PITPNM3: variants seen among roughly 807,000 people sequenced by gnomAD.
The protein encoded by PITPNM3 is PITPNM family member 3, also known as membrane-associated phosphatidylinositol transfer protein 3.
PITPNM3 carries 26 observed loss-of-function variants against 102.0 expected under a neutral mutation model. The ratio of observed to expected loss-of-function variants is 0.25; its 90% CI spans 0.19 to 0.35. The LOEUF is 0.35. Among genes scored for constraint, PITPNM3 ranks in the 10% least tolerant of loss-of-function variants. The probability of loss-of-function intolerance (pLI) is 1.00; values close to 1 mark genes in which losing one functional copy is unlikely to be tolerated. For synonymous variants in PITPNM3, 578 were observed against 558.6 expected, an observed-to-expected ratio of 1.03 and a Z score of -0.49; for missense variants, 1,083 against 1,346.1, an observed-to-expected ratio of 0.80 and a Z score of 3.06.
rs144918108 is a variant in PITPNM3 at position 6,503,562 on chromosome 17, G to A, written c.239C>T (p.Ala80Val). ...CTGGAGGATGCTGGATGTGCACGGC[G>A]CGGTCCCTTCTCCTGCAGAAAAAGA... ...KLDEHQGEGTAPCTSSILQEK... is the reference protein window; with the variant it reads ...KLDEHQGEGTVPCTSSILQEK... Residue 80 changes from alanine (A) to valine (V), a missense_variant, in exon 4 of 20, where the codon GCG (alanine) becomes GTG (valine). Coordinates refer to ENST00000262483, the MANE Select transcript of PITPNM3 (RefSeq NM_031220.4). 5.6e-5 allele frequency: 90 copies of A among 1,611,674 alleles called. No individual in the cohort carries two copies. Among genetic ancestry groups the A allele is most frequent in the African/African-American group, 1.1e-4 (8 of 75,024 alleles).
At position 6,455,560 on chromosome 17, in the gene PITPNM3, C is replaced by G. The variant is rs1914054176; in HGVS notation, c.2703G>C (p.Met901Ile). ...GCCCGAAGCTGCCCTTGCGCAGGAT[C>G]ATGCGCGAGTTGTTCTTCTTTGGGC... ...RSRPKKNNSR[M>I]ILRKGSFGLH... The change falls in exon 20 of 20, where the codon ATG becomes ATC. Residue 901 changes from methionine (M) to isoleucine (I), a missense_variant. Coordinates refer to ENST00000262483, the MANE Select transcript of PITPNM3 (RefSeq NM_031220.4). 1.2e-6 allele frequency: 2 copies of G among 1,602,542 alleles called. No individual in the cohort carries two copies. The highest frequency in any genetic ancestry group is 1.3e-5 in the African/African-American group (1 of 74,330).
chr17:6,490,481 G>A (rs979949599), intron 4 of PITPNM3, among the ~76,000 whole-genome samples: 1 of 152,182 alleles, frequency 6.6e-6, no homozygotes, highest in African/African-American at 2.4e-5. Flanking sequence ...AGGGGACCCA[G>A]AGTCACAATG....
chr17:6,481,985 C>CCTCTCTCTCTCTCTCTCTCTCT (rs773528111), intron 6 of PITPNM3, among the ~76,000 whole-genome samples: 4 of 56,098 alleles, frequency 7.1e-5, no homozygotes, highest in Non-Finnish European at 1.4e-4. Context: ...GAAAACAGAA[C>CCTCTCTCTCTCTCTCTCTCTCT]CTCTCTCTCT....
At chr17:6,551,738 T>A (rs528560254) in intron 1 of PITPNM3, among the ~76,000 whole-genome samples, 109 of 151,186 alleles carry the variant, frequency 7.2e-4, no homozygotes, top group African/African-American at 2.6e-3. Context: ...TAAAAAAATT[T>A]TTTTTTTTTT....
intron 3 of PITPNM3, among the ~76,000 whole-genome samples, chr17:6,504,319 GACCCCATGCCTGCCTCTCACA>G (rs1243138356): frequency 2.0e-5 from 3 of 151,838 alleles, no homozygotes; most frequent in Non-Finnish European, 4.4e-5. Context: ...CTCCTCTCCT[GACCCCATGCCTGCCTCTCACA>G]ACCCCGTGCC....
chr17:6,554,316 CT>C (rs576866907), intron 1 of PITPNM3, among the ~76,000 whole-genome samples: 1 of 75,612 alleles, frequency 1.3e-5, no homozygotes, highest in Admixed American at 1.7e-4. Flanking sequence ...GAGACTCCAT[CT>C]CAAAAAAAAA....
intron 3 of PITPNM3, among the ~76,000 whole-genome samples, chr17:6,514,850 A>G (rs1233319113): frequency 6.6e-6 from 1 of 152,264 alleles, no homozygotes; most frequent in Non-Finnish European, 1.5e-5. Context: ...GAAACAACTC[A>G]CATGTCCATC....
Position 6,474,378 on chromosome 17 carries a change from C to T in PITPNM3, c.1258+54G>A, listed in dbSNP as rs376410172. Reference sequence around the variant, plus strand: ...CTCTCCTCATTCTGAGGCCCTGACACGGTGGCCCTAGTGACGCACAGGCAC... The same window carrying T: ...CTCTCCTCATTCTGAGGCCCTGACATGGTGGCCCTAGTGACGCACAGGCAC... On this transcript the variant is annotated intron_variant, in intron 10 of 19. Coordinates refer to ENST00000262483, the MANE Select transcript of PITPNM3 (RefSeq NM_031220.4). 3.4e-5 allele frequency: 53 copies of T among 1,578,058 alleles called. No homozygotes were observed. In the East Asian group the frequency reaches 5.6e-4, roughly 17 times the overall value.
intron 4 of PITPNM3, among the ~76,000 whole-genome samples, chr17:6,487,881 G>A (rs1906193688): frequency 6.6e-6 from 1 of 152,318 alleles, no homozygotes; most frequent in South Asian, 2.1e-4. Context: ...GGGCAGGATT[G>A]TCCTCAGTAT....
At chr17:6,488,136 G>A (rs985042152) in intron 4 of PITPNM3, among the ~76,000 whole-genome samples, 5 of 152,080 alleles carry the variant, frequency 3.3e-5, no homozygotes, top group Admixed American at 2.6e-4. Flanking sequence ...ACAAGCAGGG[G>A]CAGCCGTAGG....
At chr17:6,516,324 G>A (rs1908173503) in intron 3 of PITPNM3, among the ~76,000 whole-genome samples, 1 of 152,160 alleles carries the variant, frequency 6.6e-6, no homozygotes, top group Non-Finnish European at 1.5e-5. Flanking sequence ...AGCACTTTGG[G>A]AGGCCATGGC....
At position 6,464,212 on chromosome 17, in the gene PITPNM3, C is replaced by T. The variant is rs909925851; in HGVS notation, c.2114G>A (p.Arg705Gln). 2.5e-6 allele frequency: 4 copies of T among 1,614,192 alleles called. No individual in the cohort carries two copies. Among genetic ancestry groups the T allele is most frequent in the East Asian group, 2.2e-5 (1 of 44,882 alleles). Reference protein sequence around the residue: ...GRITYNVPRPRRLGVGVYPVK... With the variant: ...GRITYNVPRPQRLGVGVYPVK... ...AGGATAGACACCAACCCCCAGGCGC[C>T]GGGGCCGCGGCACATTGTATGTGAT... Residue 705 changes from arginine (R) to glutamine (Q), a missense_variant, in exon 16 of 20, where the codon CGG becomes CAG. By Grantham distance (43) the Arg-to-Gln change is conservative. Around this residue, in one of 5 missense-constraint regions of PITPNM3, gnomAD observed 410 missense variants for 638.4 expected, o/e 0.64. Coordinates refer to ENST00000262483, the MANE Select transcript of PITPNM3 (RefSeq NM_031220.4).
intron 4 of PITPNM3, among the ~76,000 whole-genome samples, chr17:6,502,420 C>T (rs182417979): frequency 3.8e-4 from 58 of 152,182 alleles, no homozygotes; most frequent in Middle Eastern, 6.8e-3. Context: ...CGTGCCATTG[C>T]GCTCCAGCCT....
At position 6,461,431 on chromosome 17, in the gene PITPNM3, C is replaced by T; in HGVS notation, c.2432G>A (p.Gly811Glu). The change falls in exon 18 of 20, where the codon GGG becomes GAG. Residue 811 changes from glycine to glutamate, a missense_variant. Transcript: ENST00000262483. ...FPQGMIFFSD[G>E]LVHDPLRQKA... ...CTGCCGCAGCGGGTCATGCACCAGCCCATCGGAGAAGAAGATCATGCCCTG... is the reference window on the plus strand; with the variant it reads ...CTGCCGCAGCGGGTCATGCACCAGCTCATCGGAGAAGAAGATCATGCCCTG... The T allele has an allele frequency of 6.2e-7, 1 of 1,614,168 alleles. No individual in the cohort carries two copies. The highest frequency in any genetic ancestry group is 8.5e-7 in the Non-Finnish European group (1 of 1,180,030).
intron 4 of PITPNM3, among the ~76,000 whole-genome samples, chr17:6,487,010 A>C (rs1186738418): frequency 6.6e-6 from 1 of 152,162 alleles, no homozygotes; most frequent in Non-Finnish European, 1.5e-5. Flanking sequence ...CACGTGAACT[A>C]GTACCAGGAG....
intron 4 of PITPNM3, among the ~76,000 whole-genome samples, chr17:6,501,826 T>C (rs1907195811): frequency 6.6e-6 from 1 of 152,174 alleles, no homozygotes; most frequent in Admixed American, 6.5e-5. Flanking sequence ...AACCAAGTGC[T>C]TCCCCCGTGG....
Position 6,468,330 on chromosome 17 carries a change from A to T in PITPNM3, c.1785T>A (p.Tyr595Ter). 1 of 1,614,088 alleles carries T rather than the reference A, an allele frequency of 6.2e-7. No individual in the cohort carries two copies. Among genetic ancestry groups the T allele is most frequent in the Non-Finnish European group, 8.5e-7 (1 of 1,179,970 alleles). Residue 595 changes from tyrosine to a stop codon, truncating the protein, a stop_gained, in exon 14 of 20, where the codon TAT becomes TAA. Coordinates refer to ENST00000262483, the MANE Select transcript of PITPNM3 (RefSeq NM_031220.4). LOFTEE classifies it high-confidence loss of function. The surrounding 1 kb of genome is among the most constrained non-coding windows in gnomAD (Gnocchi z 5.2). ...VAFILRQVMR[Y>*]ESVNIKESAR... is the part of the protein sequence containing the mutation. The stretch of plus-strand genomic sequence containing the variant: ...CGCTTTCCTTGATGTTCACGCTCTC[A>T]TAGCGCATTACCTAGCCAAGAGCCG...
chr17:6,553,521 C>T (rs1026377569), intron 1 of PITPNM3, among the ~76,000 whole-genome samples: 2 of 152,218 alleles, frequency 1.3e-5, no homozygotes, highest in Non-Finnish European at 2.9e-5. Flanking sequence ...GTGCACTGCA[C>T]AACTCCAGGG....
chr17:6,463,231 G>A (rs1904560987), intron 17 of PITPNM3, among the ~76,000 whole-genome samples: 1 of 152,106 alleles, frequency 6.6e-6, no homozygotes, highest in African/African-American at 2.4e-5. Flanking sequence ...CCAGTGCCTG[G>A]CATCTGTCCT....
Sources: allele counts gnomAD v4.1 joint callset (sites outside exome capture counted in the v4.1 genomes callset), GRCh38; gene constraint gnomAD v4.1.1; regional missense constraint gnomAD v4.1.1; non-coding constraint Gnocchi (gnomAD v3.1); transcripts MANE v1.5; gene names NCBI Gene and HGNC (gene_info 2026-07-23, HGNC 2026-07-21).